BRD9: variants seen among roughly 807,000 people sequenced by gnomAD.
BRD9 encodes the protein bromodomain containing 9.
Under a neutral mutation model 68.7 loss-of-function variants are expected in BRD9, and 47 were observed. The ratio of observed to expected loss-of-function variants is 0.68; its 90% CI spans 0.54 to 0.87. The LOEUF is 0.87. BRD9 is among the 40% of genes least tolerant of loss of function. The probability of loss-of-function intolerance (pLI) is 0.00; values close to 1 mark genes in which losing one functional copy is unlikely to be tolerated. For missense variants in BRD9, 670 were observed against 748.4 expected (o/e 0.90, Z 1.22); for synonymous variants, 313 against 293.9 (o/e 1.06, Z -0.67).
At position 886,928 on chromosome 5, in the gene BRD9, G is replaced by T; in HGVS notation, c.718-221C>A. ...GGTGGTTGTGGGGGCTTGACCCACCGCCAGAGCGCGGCAGGTGCCGCACCT... is the reference window on the plus strand; with the variant it reads ...GGTGGTTGTGGGGGCTTGACCCACCTCCAGAGCGCGGCAGGTGCCGCACCT... On this transcript the variant is annotated intron_variant, in intron 6 of 15. Coordinates refer to ENST00000467963, the MANE Select transcript of BRD9 (RefSeq NM_023924.5). 6 of 711,372 alleles carry T rather than the reference G, an allele frequency of 8.4e-6. No homozygotes were observed. In the Middle Eastern group the frequency reaches 1.3e-3, roughly 149 times the overall value. 44.1% of individuals were successfully genotyped at this position (711,372 alleles called of 1,614,324 possible).
intron 14 of BRD9, among the ~76,000 whole-genome samples, chr5:867,874 T>C (rs1273911331): frequency 6.6e-6 from 1 of 152,342 alleles, no homozygotes; most frequent in Middle Eastern, 3.4e-3. Context: ...GAGTTAAGAC[T>C]TTAGGGGACT....
At chr5:886,217 G>A (rs969200367) in intron 7 of BRD9, among the ~76,000 whole-genome samples, 2 of 152,258 alleles carry the variant, frequency 1.3e-5, no homozygotes, top group African/African-American at 4.8e-5. Flanking sequence ...AATGCTGGCT[G>A]CCCAAAGTCA....
chr5:864,958 C>T (rs182028035), intron 15 of BRD9, among the ~76,000 whole-genome samples: 2 of 152,138 alleles, frequency 1.3e-5, no homozygotes, highest in Non-Finnish European at 2.9e-5. Flanking sequence ...TCGAAAATAC[C>T]GGCCTTTTTG....
chr5:886,830 C>CGATGG lies in BRD9; in HGVS notation c.718-128_718-124dup, dbSNP rs547432512. On this transcript the variant is annotated intron_variant, in intron 6 of 15. Coordinates refer to ENST00000467963, the MANE Select transcript of BRD9 (RefSeq NM_023924.5). Reference sequence around the variant, plus strand: ...CTCCCTCACAGCCAGGGTGCCGTGACGATGGGATGGGATGGGGATGGTCAC... The same window carrying CGATGG: ...CTCCCTCACAGCCAGGGTGCCGTGACGATGGGATGGGATGGGATGGGGATGGTCAC... 6.1e-5 allele frequency: 94 copies of CGATGG among 1,529,454 alleles called. No homozygotes were observed. The African/African-American group carries it at 1.0e-3, about 17-fold the overall frequency. The allele number at this position is 1,529,454 out of a possible 1,614,324, so 94.7% of individuals were successfully genotyped here.
At position 878,394 on chromosome 5, in the gene BRD9, G is replaced by A; in HGVS notation, c.1232C>T (p.Ser411Leu). The A allele has an allele frequency of 1.2e-6, 2 of 1,614,230 alleles. No individual in the cohort carries two copies. The highest frequency in any genetic ancestry group is 1.6e-4 in the Middle Eastern group (1 of 6,062). The change falls in exon 11 of 16, where the codon TCA (serine) becomes TTA (leucine). Residue 411 changes from serine to leucine, a missense_variant. Coordinates refer to ENST00000467963, the MANE Select transcript of BRD9 (RefSeq NM_023924.5). ...LKSDEMELLY[S>L]AYGDETGVQC... ...CACGCCTGTCTCATCTCCGTAGGCT[G>A]AGTAGAGCAGCTCCATCTCGTCCGA... is the stretch of plus-strand genomic sequence containing the variant.
At position 884,063 on chromosome 5, in the gene BRD9, A is replaced by C; in HGVS notation, c.841T>G (p.Phe281Val). 6.2e-7 allele frequency: 1 copy of C among 1,613,198 alleles called. No homozygotes were observed. The highest frequency in any genetic ancestry group is 8.5e-7 in the Non-Finnish European group (1 of 1,179,862). ...KPSREVISCM[F>V]EPEGNACSLT... The stretch of plus-strand genomic sequence containing the variant: ...CTGCAGGCATTCCCTTCAGGCTCAA[A>C]CATGCAGCTGTGAGGTGGGGACAAC... The change falls in exon 8 of 16, where the codon TTT becomes GTT. Residue 281 changes from phenylalanine to valine, a missense_variant. Transcript: ENST00000467963.
intron 8 of BRD9, chr5:883,415 C>G: frequency 2.2e-6 from 1 of 457,014 alleles, no homozygotes; most frequent in South Asian, 1.5e-5. Flanking sequence ...AGCCTGTGCT[C>G]TGTTTCCACT....
At chr5:872,354 G>A (rs866662145) in intron 12 of BRD9, among the ~76,000 whole-genome samples, 2 of 152,152 alleles carry the variant, frequency 1.3e-5, no homozygotes, top group Admixed American at 6.5e-5. Context: ...CATTTACTGC[G>A]GGGGTGCACT....
chr5:869,418 C>G (rs1749817418), intron 14 of BRD9: 1 of 453,586 alleles, frequency 2.2e-6, no homozygotes, highest in Non-Finnish European at 4.4e-6. Flanking sequence ...AGTATTTTAT[C>G]TCAAAATATA....
chr5:871,544 C>T lies in BRD9; in HGVS notation c.1404G>A (p.Lys468=). 6.2e-7 allele frequency: 1 copy of T among 1,614,160 alleles called. No homozygotes were observed. The highest frequency in any genetic ancestry group is 8.5e-7 in the Non-Finnish European group (1 of 1,179,982). ...AACTTACCTTGGCTTCATCTGGAGG[C>T]TTCATGGGAACATTTCTTCTCTGAA... ...QLKQRRNVPM[K]PPDEAKVGDT... The change falls in exon 13 of 16, where the codon AAG becomes AAA. Residue 468 remains lysine (K), a synonymous_variant. Coordinates refer to ENST00000467963, the MANE Select transcript of BRD9 (RefSeq NM_023924.5).
Position 889,033 on chromosome 5 carries a change from A to G in BRD9, c.594T>C (p.Val198=). 1 of 1,606,334 alleles carries G rather than the reference A, an allele frequency of 6.2e-7. No individual in the cohort carries two copies. Among genetic ancestry groups the G allele is most frequent in the Non-Finnish European group, 8.5e-7 (1 of 1,177,682 alleles). Residue 198 remains valine, a synonymous_variant, in exon 5 of 16, where the codon GTT becomes GTC. Transcript: ENST00000467963. The stretch of plus-strand genomic sequence containing the variant: ...GAAAGTAACTTACCTTAAATTCCGT[A>G]ACTGACTTGTATTCATTAGCTACAA... ...DKIVANEYKS[V]TEFKADFKLM... is the part of the protein sequence containing the mutation.
At chr5:887,214 G>T in intron 6 of BRD9, 147 bp downstream of exon 6, 1 of 668,608 alleles carries the variant, frequency 1.5e-6, no homozygotes, top group Non-Finnish European at 2.6e-6. Flanking sequence ...GGCGGCCGGG[G>T]ACGTCTACCC....
At position 889,523 on chromosome 5, in the gene BRD9, G is replaced by C. The variant is rs1252503371; in HGVS notation, c.461+64C>G. ...CTGACGAGGCTGGCGTGGGGAATAA[G>C]GCCTCAGAAAAGATGACACCACACC... is the stretch of plus-strand genomic sequence containing the variant. On this transcript the variant is annotated intron_variant, in intron 4 of 15. Transcript: ENST00000467963. 3 of 1,554,188 alleles carry C rather than the reference G, an allele frequency of 1.9e-6. No individual in the cohort carries two copies. The East Asian group carries it at 6.8e-5, about 35-fold the overall frequency.
At chr5:889,729 T>C (rs767028179) in intron 3 of BRD9, 82 bp from the exon 4 acceptor site, 1 of 1,581,348 alleles carries the variant, frequency 6.3e-7, no homozygotes, top group Non-Finnish European at 8.6e-7. Context: ...AGTATCTGTC[T>C]GTCTGGTGTC....
intron 12 of BRD9, among the ~76,000 whole-genome samples, chr5:873,209 G>A (rs1449928063): frequency 1.3e-5 from 2 of 152,102 alleles, no homozygotes; most frequent in Non-Finnish European, 2.9e-5. Context: ...ACATCTTAAT[G>A]TATATCCCTG....
In BRD9 at chr5:892,575, C is replaced by G; in HGVS notation, c.52+31G>C. 2 of 1,532,952 alleles carry G rather than the reference C, an allele frequency of 1.3e-6. 1 individual carries two copies. Among genetic ancestry groups the G allele is most frequent in the Non-Finnish European group, 1.8e-6 (2 of 1,140,022 alleles). 95.0% of individuals were successfully genotyped at this position (1,532,952 alleles called of 1,614,324 possible). A position where few individuals can be genotyped will look rare whatever the true frequency, so the allele number is the denominator to read the frequency against. On this transcript the variant is annotated intron_variant, in intron 1 of 15. Transcript: ENST00000467963. ...CCTCCCCCGTGCCCGGGACCCCGCCCGCCGCGCGTCACAAAGCGCCGCCGC... is the reference window on the plus strand; with the variant it reads ...CCTCCCCCGTGCCCGGGACCCCGCCGGCCGCGCGTCACAAAGCGCCGCCGC...
chr5:870,033 G>T (rs942206662), intron 14 of BRD9, among the ~76,000 whole-genome samples: 2 of 152,194 alleles, frequency 1.3e-5, no homozygotes, highest in African/African-American at 4.8e-5. Flanking sequence ...TTTATTCTGC[G>T]GGGTGTCACC....
chr5:870,271 T>TA (rs1749945728), intron 14 of BRD9: 2 of 555,820 alleles, frequency 3.6e-6, no homozygotes, highest in African/African-American at 1.9e-5. Flanking sequence ...CTCATTAGCT[T>TA]AAAAAAGACA....
In BRD9 at chr5:891,914, G is replaced by A; in HGVS notation, c.53-60C>T. 1.9e-6 allele frequency: 3 copies of A among 1,541,874 alleles called. No homozygotes were observed. In the South Asian group the frequency reaches 3.6e-5, roughly 18 times the overall value. On this transcript the variant is annotated intron_variant, in intron 1 of 15. Transcript: ENST00000467963. ...TCAGGTGCAAACGCCACGCAGCCAG[G>A]TGAGACGTGAAGGTGCTAAGAGGGA...
Sources: gnomAD v4.1 joint callset for allele counts (sites outside exome capture counted in the v4.1 genomes callset) on GRCh38, gnomAD v4.1.1 for gene constraint, MANE v1.5 for transcripts, NCBI Gene and HGNC (gene_info 2026-07-23, HGNC 2026-07-21) for gene names.